RASGRP3: variants seen among roughly 807,000 people sequenced by gnomAD.
RASGRP3 encodes the protein ras guanyl-releasing protein 3.
A neutral mutation model predicts 82.7 loss-of-function variants in RASGRP3; 54 were observed. The observed-to-expected ratio is 0.65, with a 90% CI of 0.52 to 0.82. The LOEUF is 0.82. Among genes scored for constraint, RASGRP3 ranks in the 40% least tolerant of loss-of-function variants. RASGRP3 has a pLI of 0.00. For synonymous variants in RASGRP3, 309 were observed against 300.5 expected (o/e 1.03, Z -0.29); for missense variants, 861 against 828.9 (o/e 1.04, Z -0.48).
chr2:33,491,613 C>A (rs577887415), intron 1 of RASGRP3, among the ~76,000 whole-genome samples: 2 of 152,250 alleles, frequency 1.3e-5, no homozygotes, highest in Non-Finnish European at 1.5e-5. Flanking sequence ...CATGTATTAT[C>A]AGTTTCCTTA....
intron 9 of RASGRP3, 23 bp downstream of exon 9, chr2:33,524,571 C>A: frequency 6.7e-7 from 1 of 1,495,752 alleles, no homozygotes; most frequent in South Asian, 1.2e-5. Flanking sequence ...TGATCCTAAT[C>A]AAAAGTAAAA....
At chr2:33,473,543 C>A (rs1005023735), upstream of RASGRP3, among the ~76,000 whole-genome samples, 3 of 152,112 alleles carry the variant, frequency 2.0e-5, no homozygotes, top group Non-Finnish European at 2.9e-5. Flanking sequence ...GACACAAAGC[C>A]GAGGTAGGAG....
chr2:33,472,264 T>G (rs1667101686), upstream of RASGRP3, among the ~76,000 whole-genome samples: 1 of 152,182 alleles, frequency 6.6e-6, no homozygotes, highest in Non-Finnish European at 1.5e-5. Context: ...CACAGACACA[T>G]GTAGACCTAA....
At chr2:33,449,831 A>G (rs980656546) in intron 2 of RASGRP3, among the ~76,000 whole-genome samples, 3 of 152,204 alleles carry the variant, frequency 2.0e-5, no homozygotes, top group African/African-American at 4.8e-5. Context: ...AAACTTTTGT[A>G]TATTTGACCA....
chr2:33,443,335 A>G (rs896744492), intron 1 of RASGRP3, among the ~76,000 whole-genome samples: 1 of 152,184 alleles, frequency 6.6e-6, no homozygotes. Flanking sequence ...TGGGTTATCA[A>G]TTAGGAAACA....
chr2:33,527,324 A>G lies in RASGRP3; in HGVS notation c.995A>G (p.Gln332Arg). 4 of 1,613,912 alleles carry G rather than the reference A, an allele frequency of 2.5e-6. No homozygotes were observed. The highest frequency in any genetic ancestry group is 3.4e-6 in the Non-Finnish European group (4 of 1,179,774). The part of the protein sequence containing the change: ...ENKVNIVKMH[Q>R]LSVTLSELVS... ...AAAGTGAACATTGTGAAAATGCACC[A>G]GCTCTCCGTTACCCTGAGTGAACTA... The change falls in exon 10 of 18, where the codon CAG (glutamine) becomes CGG (arginine). Residue 332 changes from glutamine to arginine, a missense_variant. By Grantham distance (43) the Gln-to-Arg change is conservative (BLOSUM62 1). Coordinates refer to ENST00000403687, the MANE Select transcript of RASGRP3 (RefSeq NM_001139488.2).
intron 11 of RASGRP3, among the ~76,000 whole-genome samples, chr2:33,538,804 T>C (rs1673924128): frequency 6.6e-6 from 1 of 152,124 alleles, no homozygotes; most frequent in Non-Finnish European, 1.5e-5. Flanking sequence ...TTTGGGAGGC[T>C]GAGGCCGGAG....
At chr2:33,440,574 T>C (rs1032979693) in intron 1 of RASGRP3, among the ~76,000 whole-genome samples, 3 of 152,206 alleles carry the variant, frequency 2.0e-5, no homozygotes, top group African/African-American at 4.8e-5. Context: ...AGGTCTTCTA[T>C]TGTTCGTAAC....
chr2:33,530,982 C>T (rs1239985304), intron 10 of RASGRP3: 1 of 152,132 alleles, frequency 6.6e-6, no homozygotes, highest in East Asian at 1.9e-4. Flanking sequence ...GTATTTTTAG[C>T]CCTATCAGTT....
rs77607362 is a variant in RASGRP3 at position 33,477,059 on chromosome 2, A to G, written c.-261+352A>G. Among the ~76,000 whole-genome samples, 1,084 of 152,166 alleles carry G rather than the reference A, an allele frequency of 7.1e-3. 9 individuals are homozygous for G. Among genetic ancestry groups the G allele is most frequent in the African/African-American group, 0.026 (1,059 of 41,486 alleles). On this transcript the variant is annotated intron_variant, in intron 1 of 17. Transcript: ENST00000403687. ...TTAGGTTCAAAGTCAAGTTCAGGTTATGAAGTAGAGACTTCATTGAAGTGA... is the reference window on the plus strand; with the variant it reads ...TTAGGTTCAAAGTCAAGTTCAGGTTGTGAAGTAGAGACTTCATTGAAGTGA...
intron 1 of RASGRP3, among the ~76,000 whole-genome samples, chr2:33,504,430 C>T (rs1414819129): frequency 2.0e-5 from 3 of 152,206 alleles, no homozygotes; most frequent in Non-Finnish European, 4.4e-5. Flanking sequence ...GCTCTCTACA[C>T]CTCCAGCCTA....
chr2:33,492,423 G>T (rs1308389267), intron 1 of RASGRP3, among the ~76,000 whole-genome samples: 2 of 152,046 alleles, frequency 1.3e-5, no homozygotes, highest in Non-Finnish European at 2.9e-5. Context: ...TAGATCTCCA[G>T]TCCTTGGTTG....
In RASGRP3 at chr2:33,558,594, G is replaced by A. The variant is rs78262194; in HGVS notation, c.1706-78G>A. 1,134 of 1,304,692 alleles carry A rather than the reference G, an allele frequency of 8.7e-4. 7 individuals are homozygous for A. The East Asian group carries it at 0.015, about 17-fold the overall frequency. The allele number at this position is 1,304,692 out of a possible 1,614,324, so 80.8% of individuals were successfully genotyped here. A position where few individuals can be genotyped will look rare whatever the true frequency, so the allele number is the denominator to read the frequency against. On this transcript the variant is annotated intron_variant, in intron 16 of 17. Coordinates refer to ENST00000403687, the MANE Select transcript of RASGRP3 (RefSeq NM_001139488.2). ...CTCTAGAATGTTGCATGCCAGACTCGTGCTGTTTGCACTAACCTTGATGCT... is the reference window on the plus strand; with the variant it reads ...CTCTAGAATGTTGCATGCCAGACTCATGCTGTTTGCACTAACCTTGATGCT...
chr2:33,508,000 G>A (rs1670553168), intron 1 of RASGRP3, among the ~76,000 whole-genome samples: 1 of 152,162 alleles, frequency 6.6e-6, no homozygotes, highest in African/African-American at 2.4e-5. Flanking sequence ...GTGGTTGGTG[G>A]CAGAATTTCT....
At position 33,467,758 on chromosome 2, in the gene RASGRP3, C is replaced by A. The variant is rs1666786390; in HGVS notation, c.-261+19815C>A. Among the ~76,000 whole-genome samples the A allele has an allele frequency of 2.6e-5, 4 of 152,138 alleles. 1 individual carries two copies. The highest frequency in any genetic ancestry group is 2.6e-4 in the Admixed American group (4 of 15,274). On this transcript the variant is annotated intron_variant, in intron 2 of 18. Coordinates refer to the RASGRP3 transcript ENST00000402538. Reference sequence around the variant, plus strand: ...TGACAGTGCCTATATGAGATTGGTACCTTTTGGGAATTTCTACCTAAGGCG... The same window carrying A: ...TGACAGTGCCTATATGAGATTGGTAACTTTTGGGAATTTCTACCTAAGGCG...
rs1310041526 is a variant in RASGRP3 at position 33,521,952 on chromosome 2, T to C, written c.369-3T>C. On this transcript the variant is annotated splice_region_variant and splice_polypyrimidine_tract_variant and intron_variant, in intron 6 of 17. Coordinates refer to ENST00000403687, the MANE Select transcript of RASGRP3 (RefSeq NM_001139488.2). ...ATTGACCGGACTCACTCTTCTTTTATAGTCCTTCCTATGACTGGATGAGAA... is the reference window on the plus strand; with the variant it reads ...ATTGACCGGACTCACTCTTCTTTTACAGTCCTTCCTATGACTGGATGAGAA... 1.1e-5 allele frequency: 18 copies of C among 1,604,632 alleles called. No individual in the cohort carries two copies. The highest frequency in any genetic ancestry group is 1.5e-5 in the Non-Finnish European group (18 of 1,177,538).
chr2:33,527,036 T>A, intron 9 of RASGRP3, 101 bp from the exon 10 acceptor site: 1 of 1,257,372 alleles, frequency 8.0e-7, no homozygotes, highest in Non-Finnish European at 1.1e-6. Context: ...AAGTGATACT[T>A]TTCTCAGTAG....
chr2:33,559,148 A>T, intron 17 of RASGRP3, 118 bp downstream of exon 17: 1 of 810,738 alleles, frequency 1.2e-6, no homozygotes, highest in Non-Finnish European at 1.9e-6. Flanking sequence ...ATGGTTGGGA[A>T]TGAAGACATG....
At chr2:33,500,711 G>C (rs999946814) in intron 1 of RASGRP3, among the ~76,000 whole-genome samples, 1 of 152,152 alleles carries the variant, frequency 6.6e-6, no homozygotes, top group Admixed American at 6.5e-5. Flanking sequence ...CGAGGCAGGC[G>C]GATCACAAGG....
Sources: gnomAD v4.1 joint callset for allele counts (sites outside exome capture counted in the v4.1 genomes callset) on GRCh38, gnomAD v4.1.1 for gene constraint, MANE v1.5 for transcripts, NCBI Gene and HGNC (gene_info 2026-07-23, HGNC 2026-07-21) for gene names.